Variants in PRDM5 observed in about 807,000 individuals in gnomAD.
PRDM5 encodes PR domain zinc finger protein 5.
In PRDM5, 56 loss-of-function variants were observed where a neutral mutation model predicts 81.2. That is an observed-to-expected ratio of 0.69 (90% CI 0.56 to 0.86). The LOEUF is 0.86. PRDM5 is among the 40% of genes least tolerant of loss of function. PRDM5 has a pLI of 0.00. For missense variants in PRDM5, 697 were observed against 770.1 expected, an observed-to-expected ratio of 0.91 and a Z score of 1.12; for synonymous variants, 267 against 256.4, an observed-to-expected ratio of 1.04 and a Z score of -0.39.
chr4:120,775,011 C>T (rs1165748246), intron 13 of PRDM5, among the ~76,000 whole-genome samples: 3 of 149,684 alleles, frequency 2.0e-5, no homozygotes, highest in Middle Eastern at 3.5e-3. Context: ...TACACAAACA[C>T]ATATATATAT....
At chr4:120,828,637 C>A (rs1328494233) in intron 3 of PRDM5, among the ~76,000 whole-genome samples, 4 of 151,992 alleles carry the variant, frequency 2.6e-5, no homozygotes, top group Admixed American at 2.0e-4. Flanking sequence ...ATTTTTTATT[C>A]TTTCTCTTTA....
rs747178543 is a variant in PRDM5, at chr4:120,799,718, A to G, written c.973T>C (p.Cys325Arg). 6.2e-7 allele frequency: 1 copy of G among 1,612,954 alleles called. No individual in the cohort carries two copies. Among genetic ancestry groups the G allele is most frequent in the Non-Finnish European group, 8.5e-7 (1 of 1,179,604 alleles). ...KIHEIFDCQE[C>R]MKKFISANQL... ...TTAGCTGAAATAAATTTCTTCATAC[A>G]TTCTTGACAATCAAATATCTCATGA... Residue 325 changes from cysteine (C) to arginine (R), a missense_variant, in exon 9 of 16, where the codon TGT becomes CGT. Transcript: ENST00000264808.
At chr4:120,852,999 C>A (rs559682550) in intron 3 of PRDM5, among the ~76,000 whole-genome samples, 1 of 152,012 alleles carries the variant, frequency 6.6e-6, no homozygotes, top group Non-Finnish European at 1.5e-5. Flanking sequence ...CCACCTCCGA[C>A]AAGCTCAAAG....
intron 2 of PRDM5, among the ~76,000 whole-genome samples, chr4:120,869,107 A>G (rs989261195): frequency 2.0e-4 from 30 of 152,194 alleles, no homozygotes; most frequent in African/African-American, 6.8e-4. Flanking sequence ...TTTAAAAAAC[A>G]TGATTGTTAA....
intron 4 of PRDM5, among the ~76,000 whole-genome samples, chr4:120,820,120 G>T (rs143243789): frequency 1.3e-5 from 2 of 152,208 alleles, no homozygotes; most frequent in Admixed American, 6.5e-5. Context: ...AACTGAAACC[G>T]CAATGGAATT....
intron 14 of PRDM5, among the ~76,000 whole-genome samples, chr4:120,748,415 C>T (rs574085482): frequency 6.6e-6 from 1 of 152,094 alleles, no homozygotes; most frequent in Admixed American, 6.5e-5. Context: ...AGGCTGAGAC[C>T]AAAAGATCAC....
Position 120,692,417 on chromosome 4 carries a change from T to C in PRDM5, c.*2694A>G, listed in dbSNP as rs1225018083. ...AAAATAACATGTTAACTATACTATG[T>C]AACCCCAAGAATTTATCACCAAGAA... On this transcript the variant is annotated 3_prime_UTR_variant, in exon 16 of 16. Transcript: ENST00000264808. 6.6e-6 allele frequency: 1 copy of C among 152,074 alleles called. No individual in the cohort carries two copies. Among genetic ancestry groups the C allele is most frequent in the African/African-American group, 2.4e-5 (1 of 41,440 alleles). The allele number at this position is 152,074 out of a possible 1,614,324, so 9.4% of individuals were successfully genotyped here.
At chr4:120,905,006 G>C (rs1206389683) in intron 2 of PRDM5, among the ~76,000 whole-genome samples, 1 of 152,006 alleles carries the variant, frequency 6.6e-6, no homozygotes, top group African/African-American at 2.4e-5. Context: ...ATAAATGTAT[G>C]GTTTCTGAAA....
chr4:120,884,259 C>T (rs928557821), intron 2 of PRDM5, among the ~76,000 whole-genome samples: 1 of 152,030 alleles, frequency 6.6e-6, no homozygotes, highest in East Asian at 1.9e-4. Context: ...GTATGTATTG[C>T]TATAATTTTT....
chr4:120,898,281 T>C (rs575768455), intron 2 of PRDM5, among the ~76,000 whole-genome samples: 1 of 152,284 alleles, frequency 6.6e-6, no homozygotes, highest in East Asian at 1.9e-4. Context: ...ACAGAACACC[T>C]TGCTTTTCAA....
At chr4:120,802,071 A>T (rs2149294053) in intron 8 of PRDM5, among the ~76,000 whole-genome samples, 1 of 152,316 alleles carries the variant, frequency 6.6e-6, no homozygotes, top group Non-Finnish European at 1.5e-5. Flanking sequence ...TTTCATTTTT[A>T]AGTGAAATAT....
At chr4:120,730,683 T>C (rs539450620) in intron 14 of PRDM5, among the ~76,000 whole-genome samples, 1 of 152,320 alleles carries the variant, frequency 6.6e-6, no homozygotes, top group East Asian at 1.9e-4. Context: ...TCTCTTTATA[T>C]ATATATTTCA....
chr4:120,725,053 G>T (rs1739195196), intron 14 of PRDM5, among the ~76,000 whole-genome samples: 1 of 152,120 alleles, frequency 6.6e-6, no homozygotes, highest in Admixed American at 6.5e-5. Context: ...ATTTTAGTTT[G>T]CTCAAAAGTC....
chr4:120,795,756 T>C (rs1751260313), intron 10 of PRDM5, among the ~76,000 whole-genome samples: 1 of 151,958 alleles, frequency 6.6e-6, no homozygotes, highest in Non-Finnish European at 1.5e-5. Flanking sequence ...CTATTAAAAA[T>C]ACAAAAATTA....
chr4:120,922,688 C>G lies in PRDM5; in HGVS notation c.-80G>C, dbSNP rs917210306. 1.6e-5 allele frequency: 24 copies of G among 1,536,134 alleles called. No homozygotes were observed. In the Admixed American group the frequency reaches 4.1e-4, roughly 26 times the overall value. On this transcript the variant is annotated 5_prime_UTR_variant, in exon 1 of 16. Coordinates refer to ENST00000264808, the MANE Select transcript of PRDM5 (RefSeq NM_018699.4). ...AGGCGGCACATCGAAATTTGGGGTGCCAGGGTAGAGGGGAGAAACCGGCAG... is the reference window on the plus strand; with the variant it reads ...AGGCGGCACATCGAAATTTGGGGTGGCAGGGTAGAGGGGAGAAACCGGCAG...
At chr4:120,755,524 G>GT (rs1183267667) in intron 13 of PRDM5, among the ~76,000 whole-genome samples, 10 of 151,322 alleles carry the variant, frequency 6.6e-5, no homozygotes, top group African/African-American at 2.4e-4. Context: ...TTCAGAGCCA[G>GT]GCCTTCTGAC....
At chr4:120,757,014 C>CA (rs1299809869) in intron 13 of PRDM5, among the ~76,000 whole-genome samples, 11 of 152,238 alleles carry the variant, frequency 7.2e-5, no homozygotes, top group Admixed American at 2.0e-4. Flanking sequence ...CAAACAAAAA[C>CA]AAAAGATTTG....
chr4:120,767,905 C>T (rs1358687580), intron 13 of PRDM5, among the ~76,000 whole-genome samples: 1 of 152,188 alleles, frequency 6.6e-6, no homozygotes, highest in Admixed American at 6.5e-5. Flanking sequence ...TTCCCCTGCA[C>T]ATGCTCTGTT....
intron 1 of PRDM5, among the ~76,000 whole-genome samples, chr4:120,917,337 G>A (rs929327425): frequency 3.3e-5 from 5 of 152,030 alleles, no homozygotes; most frequent in Non-Finnish European, 7.4e-5. Flanking sequence ...TGTTTAGTGA[G>A]GATTAACTGA....
Sources: gnomAD v4.1 joint callset for allele counts (sites outside exome capture counted in the v4.1 genomes callset) on GRCh38, gnomAD v4.1.1 for gene constraint, MANE v1.5 for transcripts, NCBI Gene and HGNC (gene_info 2026-07-23, HGNC 2026-07-21) for gene names.